Variants in MSRA observed in about 807,000 individuals in gnomAD.
MSRA encodes the protein methionine sulfoxide reductase A.
Under a neutral mutation model 31.3 loss-of-function variants are expected in MSRA, and 54 were observed. The observed-to-expected ratio is 1.73, with a 90% CI of 1.39 to 2.17. The LOEUF (loss-of-function observed/expected upper bound fraction) is 2.17. Among genes scored for constraint, MSRA ranks in the 30% most tolerant of loss-of-function variants. MSRA has a pLI of 0.00. For missense variants in MSRA, 507 were observed against 300.9 expected (o/e 1.69, Z -5.07); for synonymous variants, 169 against 116.5 (o/e 1.45, Z -2.90).
At chr8:10,200,624 G>C (rs559223069) in intron 1 of MSRA, among the ~76,000 whole-genome samples, 1 of 152,254 alleles carries the variant, frequency 6.6e-6, no homozygotes, top group African/African-American at 2.4e-5. Flanking sequence ...GCAGGGAGGG[G>C]AGAAGCCCCT....
intron 1 of MSRA, among the ~76,000 whole-genome samples, chr8:10,167,439 T>A (rs1805241353): frequency 6.6e-6 from 1 of 152,144 alleles, no homozygotes; most frequent in Non-Finnish European, 1.5e-5. Flanking sequence ...TGTGTTTGGT[T>A]TGAGTATAGG....
chr8:10,054,539 C>T lies in MSRA; in HGVS notation c.23C>T (p.Ala8Val), dbSNP rs148811380. The T allele has an allele frequency of 3.3e-5, 53 of 1,586,162 alleles. No homozygotes were observed. Among genetic ancestry groups the T allele is most frequent in the Non-Finnish European group, 4.4e-5 (51 of 1,166,852 alleles). The change falls in exon 1 of 6, where the codon GCT becomes GTT. Residue 8 changes from alanine to valine, a missense_variant. Transcript: ENST00000317173. MLSATRRACQLLLLHSLF... is the reference protein window; with the variant it reads MLSATRRVCQLLLLHSLF... The stretch of plus-strand genomic sequence containing the variant: ...CCCATGCTCTCGGCCACCCGGAGGG[C>T]TTGCCAGCTCCTCCTCCTCCACAGC...
chr8:10,085,142 T>C (rs1798493054), intron 1 of MSRA, among the ~76,000 whole-genome samples: 1 of 152,210 alleles, frequency 6.6e-6, no homozygotes, highest in Admixed American at 6.5e-5. Context: ...TGGTAGGTCT[T>C]AGCTAGCCTG....
At chr8:10,395,946 G>A (rs911342773) in intron 5 of MSRA, among the ~76,000 whole-genome samples, 14 of 152,090 alleles carry the variant, frequency 9.2e-5, no homozygotes, top group South Asian at 2.1e-4. Context: ...ATCTTTGCAC[G>A]GCCCTACAAG....
intron 1 of MSRA, among the ~76,000 whole-genome samples, chr8:10,108,074 C>T (rs755098411): frequency 1.1e-4 from 16 of 152,158 alleles, no homozygotes; most frequent in Middle Eastern, 3.4e-3. Context: ...ACTTAATGTT[C>T]CTGAAGGGTA....
At chr8:10,081,422 T>C (rs1798287021) in intron 1 of MSRA, among the ~76,000 whole-genome samples, 1 of 152,222 alleles carries the variant, frequency 6.6e-6, no homozygotes, top group East Asian at 1.9e-4. Context: ...GTTTGTGTTC[T>C]CATGATTACT....
At chr8:10,139,423 C>G (rs1802517931) in intron 1 of MSRA, among the ~76,000 whole-genome samples, 1 of 152,180 alleles carries the variant, frequency 6.6e-6, no homozygotes, top group Non-Finnish European at 1.5e-5. Context: ...AGTTTTGTTA[C>G]ATGGATCTGT....
At position 10,203,233 on chromosome 8, in the gene MSRA, C is replaced by T. The variant is rs544726780; in HGVS notation, c.143-4600C>T. Among the ~76,000 whole-genome samples the T allele has an allele frequency of 2.6e-5, 4 of 152,176 alleles. No individual in the cohort carries two copies. In the East Asian group the frequency reaches 5.8e-4, roughly 22 times the overall value. On this transcript the variant is annotated intron_variant, in intron 1 of 5. Transcript: ENST00000317173. Reference sequence around the variant, plus strand: ...TCTTTCCATCTCAGCCAGCACTGCCCACCTCTCAGTTGAGACTAGGTAAAT... The same window carrying T: ...TCTTTCCATCTCAGCCAGCACTGCCTACCTCTCAGTTGAGACTAGGTAAAT...
intron 3 of MSRA, among the ~76,000 whole-genome samples, chr8:10,260,704 A>G (rs143648663): frequency 1.3e-5 from 2 of 152,298 alleles, no homozygotes; most frequent in East Asian, 3.9e-4. Context: ...GTGGGGGGGA[A>G]TAAAAAGCAA....
intron 3 of MSRA, among the ~76,000 whole-genome samples, chr8:10,282,546 C>G (rs1799676659): frequency 6.6e-6 from 1 of 152,208 alleles, no homozygotes; most frequent in South Asian, 2.1e-4. Flanking sequence ...GCCCTATTAT[C>G]TCTGTAGCCT....
At chr8:10,167,652 A>G (rs955197366) in intron 1 of MSRA, among the ~76,000 whole-genome samples, 5 of 152,122 alleles carry the variant, frequency 3.3e-5, no homozygotes, top group Non-Finnish European at 7.4e-5. Context: ...CGTACTTAGC[A>G]TCTTTTGCTC....
rs1798526723 is a variant in MSRA, at chr8:10,262,340, C to CAGTG, written c.331+17122_331+17125dup. ...AGTGACTGTACCATTTTGCTACCAG[C>CAGTG]AGTGAGTGGGAGTTCCTGTTACTTT... is the stretch of plus-strand genomic sequence containing the variant. On this transcript the variant is annotated intron_variant, in intron 3 of 5. Transcript: ENST00000317173. Among the ~76,000 whole-genome samples the CAGTG allele has an allele frequency of 2.0e-5, 3 of 152,204 alleles. No homozygotes were observed. The South Asian group carries it at 6.2e-4, about 32-fold the overall frequency.
At chr8:10,166,792 C>T (rs999639645) in intron 1 of MSRA, among the ~76,000 whole-genome samples, 4 of 152,168 alleles carry the variant, frequency 2.6e-5, no homozygotes, top group Non-Finnish European at 5.9e-5. Context: ...TGTGTGGCCT[C>T]CCTGGCCCTC....
chr8:10,133,335 C>T (rs1045200017), intron 1 of MSRA, among the ~76,000 whole-genome samples: 2 of 152,156 alleles, frequency 1.3e-5, no homozygotes, highest in African/African-American at 4.8e-5. Flanking sequence ...AGAAAGAGGA[C>T]AGTCCGTGGG....
chr8:10,140,356 A>G (rs773465392), intron 1 of MSRA, among the ~76,000 whole-genome samples: 1 of 152,156 alleles, frequency 6.6e-6, no homozygotes, highest in Non-Finnish European at 1.5e-5. Flanking sequence ...TGCTTTCTTG[A>G]ATGCCACAGT....
intron 1 of MSRA, among the ~76,000 whole-genome samples, chr8:10,181,909 G>C (rs1806576399): frequency 6.6e-6 from 1 of 152,218 alleles, no homozygotes; most frequent in Admixed American, 6.5e-5. Flanking sequence ...TCAACTTCGT[G>C]ATTGGTGTGC....
chr8:10,331,584 T>C (rs1802703516), intron 5 of MSRA, among the ~76,000 whole-genome samples: 1 of 152,186 alleles, frequency 6.6e-6, no homozygotes, highest in Non-Finnish European at 1.5e-5. Context: ...CATTTGACAC[T>C]GAATTCCATA....
chr8:10,251,680 T>G (rs1161099037), intron 3 of MSRA, among the ~76,000 whole-genome samples: 1 of 152,024 alleles, frequency 6.6e-6, no homozygotes, highest in Non-Finnish European at 1.5e-5. Context: ...CCAACCATCT[T>G]CCCCACACCC....
chr8:10,256,569 C>A lies in MSRA; in HGVS notation c.331+11346C>A, dbSNP rs532621417. On this transcript the variant is annotated intron_variant, in intron 3 of 5. Transcript: ENST00000317173. ...GATATCAGGCAACTGGGGGCTTCAT[C>A]CATCAAAAGCACTTAACATTGAAAC... is the stretch of plus-strand genomic sequence containing the variant. 5.3e-5 allele frequency among the ~76,000 whole-genome samples: 8 copies of A among 152,282 alleles called. 1 individual carries two copies. The highest frequency in any genetic ancestry group is 5.2e-4 in the Admixed American group (8 of 15,290).
Sources: allele counts gnomAD v4.1 joint callset (sites outside exome capture counted in the v4.1 genomes callset), GRCh38; gene constraint gnomAD v4.1.1; transcripts MANE v1.5; gene names NCBI Gene and HGNC (gene_info 2026-07-23, HGNC 2026-07-21).